SACS: variants seen among roughly 807,000 people sequenced by gnomAD.
SACS encodes the protein sacsin molecular chaperone.
SACS carries 197 observed loss-of-function variants against 348.0 expected under a neutral mutation model. The observed-to-expected ratio is 0.57, with a 90% confidence interval of 0.50 to 0.64. The LOEUF (loss-of-function observed/expected upper bound fraction) is 0.64, where lower values mean the gene tolerates loss of function less well. Ranked by LOEUF, SACS falls within the 30% of genes least tolerant of loss-of-function variation. The pLI is 0.00. For synonymous variants in SACS, 1,985 were observed against 1,910.6 expected (o/e 1.04, Z -1.02); for missense variants, 4,999 against 5,360.8 (o/e 0.93, Z 2.11).
chr13:23,375,625 C>G (rs564968092), intron 2 of SACS: 11 of 958,162 alleles, frequency 1.1e-5, no homozygotes, highest in Non-Finnish European at 1.4e-5. Context: ...CCGCCGGGAC[C>G]GTTAGCTGGG....
chr13:23,357,738 AAGT>A (rs1870484921), intron 7 of SACS, among the ~76,000 whole-genome samples: 1 of 64,508 alleles, frequency 1.6e-5, no homozygotes, highest in South Asian at 8.9e-4. Context: ...ACACTGAGTT[AAGT>A]ATTTCCTATT....
In SACS at chr13:23,334,285, A is replaced by G. The variant is rs764477877; in HGVS notation, c.9591T>C (p.Ser3197=). The change falls in exon 10 of 10, where the codon AGT becomes AGC. Residue 3197 remains serine (S), a synonymous_variant. Transcript: ENST00000382292. ...LFMNTLYLKY[S]NILLNCKVAK... is the part of the protein sequence containing the mutation. ...CAACTTTACAGTTCAATAAAATATT[A>G]CTATATTTCAAATATAATGTATTCA... The G allele has an allele frequency of 6.2e-7, 1 of 1,601,348 alleles. No individual in the cohort carries two copies. The highest frequency in any genetic ancestry group is 8.5e-7 in the Non-Finnish European group (1 of 1,173,236).
chr13:23,345,736 A>AT (rs1869557299), intron 9 of SACS, among the ~76,000 whole-genome samples: 2 of 152,212 alleles, frequency 1.3e-5, no homozygotes, highest in Non-Finnish European at 2.9e-5. Flanking sequence ...AATTATCACT[A>AT]TAATAATGAC....
Position 23,333,700 on chromosome 13 carries a change from G to A in SACS, c.10176C>T (p.Asn3392=). 1 of 1,613,712 alleles carries A rather than the reference G, an allele frequency of 6.2e-7. No homozygotes were observed. Among genetic ancestry groups the A allele is most frequent in the Non-Finnish European group, 8.5e-7 (1 of 1,179,694 alleles). ...NDFEALLMYF[N]CNLNHLMSQD... ...GGGACATCAAATGATTCAAATTGCA[G>A]TTGAAATACATCAAAAGTGCCTCAA... is the stretch of plus-strand genomic sequence containing the variant. The change falls in exon 10 of 10, where the codon AAC becomes AAT. Residue 3392 remains asparagine (N), a synonymous_variant. Coordinates refer to ENST00000382292, the MANE Select transcript of SACS (RefSeq NM_014363.6).
At chr13:23,361,150 A>C (rs1016917379) in intron 6 of SACS, among the ~76,000 whole-genome samples, 4 of 152,142 alleles carry the variant, frequency 2.6e-5, no homozygotes, top group African/African-American at 9.7e-5. Flanking sequence ...TAGGAGTGCA[A>C]CTGTCCCGGG....
At position 23,333,438 on chromosome 13, in the gene SACS, G is replaced by A. The variant is rs761189797; in HGVS notation, c.10438C>T (p.His3480Tyr). ...AGATTTTCAATTTTTGGTAAGAGGT[G>A]TTTCAAATATACCTCAAGATCATCT... ...PVDDLEVYLKHLLPKIENLSY... is the reference protein window; with the variant it reads ...PVDDLEVYLKYLLPKIENLSY... Residue 3480 changes from histidine to tyrosine, a missense_variant, in exon 10 of 10, where the codon CAC becomes TAC. Physicochemically the swap from His to Tyr is moderately conservative, Grantham distance 83. Coordinates refer to ENST00000382292, the MANE Select transcript of SACS (RefSeq NM_014363.6). 1.3e-5 allele frequency: 21 copies of A among 1,611,156 alleles called. No individual in the cohort carries two copies. Among genetic ancestry groups the A allele is most frequent in the African/African-American group, 5.3e-5 (4 of 74,774 alleles).
intron 2 of SACS, among the ~76,000 whole-genome samples, chr13:23,394,579 C>T (rs983899816): frequency 2.0e-5 from 3 of 152,202 alleles, no homozygotes; most frequent in South Asian, 2.1e-4. Flanking sequence ...TAGGGCTGGG[C>T]GCAGTGGCTC....
At chr13:23,394,633 C>T (rs145206327) in intron 2 of SACS, among the ~76,000 whole-genome samples, 4,501 of 152,290 alleles carry the variant, frequency 0.03, 197 homozygotes, top group African/African-American at 0.1. Flanking sequence ...GCAAGTGGAT[C>T]ACCTGAGGTC....
chr13:23,331,318 A>G lies in SACS; in HGVS notation c.12558T>C (p.Val4186=). Residue 4186 remains valine (V), a synonymous_variant, in exon 10 of 10, where the codon GTT becomes GTC. Coordinates refer to ENST00000382292, the MANE Select transcript of SACS (RefSeq NM_014363.6). Reference sequence around the variant, plus strand: ...CATAGATATCACCACCTTCAGCATCAACAAGGTACCCAACATATTCTCCCG... The same window carrying G: ...CATAGATATCACCACCTTCAGCATCGACAAGGTACCCAACATATTCTCCCG... ...FYPGEYVGYL[V]DAEGGDIYGS... is the part of the protein sequence containing the mutation. 1 of 1,614,026 alleles carries G rather than the reference A, an allele frequency of 6.2e-7. No individual in the cohort carries two copies. The highest frequency in any genetic ancestry group is 1.3e-5 in the African/African-American group (1 of 75,046).
chr13:23,366,611 G>A (rs781562991), intron 5 of SACS, among the ~76,000 whole-genome samples: 8 of 152,154 alleles, frequency 5.3e-5, no homozygotes, highest in Non-Finnish European at 1.0e-4. Flanking sequence ...TTAGATGTTC[G>A]ACCTTGTTTT....
At position 23,329,972 on chromosome 13, in the gene SACS, T is replaced by A; in HGVS notation, c.*164A>T. The A allele has an allele frequency of 1.5e-6, 1 of 669,506 alleles. No individual in the cohort carries two copies. The highest frequency in any genetic ancestry group is 2.5e-6 in the Non-Finnish European group (1 of 395,190). The allele number at this position is 669,506 out of a possible 1,614,324, so 41.5% of individuals were successfully genotyped here. A position where few individuals can be genotyped will look rare whatever the true frequency, so the allele number is the denominator to read the frequency against. ...AGTTTTCTTTTAGATTCAGTTAAGG[T>A]TTTCCGTTGGTATTCATGTTCATAA... On this transcript the variant is annotated 3_prime_UTR_variant, in exon 10 of 10. Transcript: ENST00000382292.
rs779248938 is a variant in SACS at position 23,335,636 on chromosome 13, A to AT, written c.8239dup (p.Ile2747AsnfsTer5). 9.3e-6 allele frequency: 15 copies of AT among 1,613,942 alleles called. No individual in the cohort carries two copies. The highest frequency in any genetic ancestry group is 1.3e-5 in the African/African-American group (1 of 75,002). ...ACTCTTATCTATTTCACAAATAGAAATTTTTTCCATGTGATTAAGAAACAT... is the reference window on the plus strand; with the variant it reads ...ACTCTTATCTATTTCACAAATAGAAATTTTTTTCCATGTGATTAAGAAACAT... On this transcript the variant is annotated frameshift_variant, in exon 10 of 10. Transcript: ENST00000382292. LOFTEE classifies it high-confidence loss of function. The surrounding 1 kb of genome is among the most constrained non-coding windows in gnomAD (Gnocchi z 4.7).
chr13:23,400,712 G>A (rs964446513), intron 2 of SACS, among the ~76,000 whole-genome samples: 6 of 152,158 alleles, frequency 3.9e-5, no homozygotes, highest in East Asian at 1.9e-4. Context: ...GAGCCACCGC[G>A]CCCGGCCAGT....
At chr13:23,414,241 C>T (rs1309188988) in intron 1 of SACS, among the ~76,000 whole-genome samples, 7 of 152,134 alleles carry the variant, frequency 4.6e-5, no homozygotes, top group Admixed American at 4.6e-4. Flanking sequence ...AAGGCGGAGC[C>T]TACAGTGAGC....
chr13:23,392,075 T>C (rs1008796174), intron 2 of SACS, among the ~76,000 whole-genome samples: 10 of 152,174 alleles, frequency 6.6e-5, no homozygotes, highest in Non-Finnish European at 1.3e-4. Context: ...AGCTGGGAGC[T>C]GAGGGAAACC....
At position 23,347,223 on chromosome 13, in the gene SACS, T is replaced by A. The variant is rs555674232; in HGVS notation, c.2186-5533A>T. 2.0e-5 allele frequency among the ~76,000 whole-genome samples: 3 copies of A among 152,344 alleles called. No homozygotes were observed. In the South Asian group the frequency reaches 6.2e-4, roughly 32 times the overall value. On this transcript the variant is annotated intron_variant, in intron 9 of 9. Coordinates refer to ENST00000382292, the MANE Select transcript of SACS (RefSeq NM_014363.6). ...TAAAAAACCTGATTTTTTAAATTTT[T>A]AATTTTTAAAAAGTTTTGGAGTACC...
intron 2 of SACS, among the ~76,000 whole-genome samples, chr13:23,387,473 A>AG (rs1593167526): frequency 3.3e-5 from 5 of 150,942 alleles, no homozygotes; most frequent in South Asian, 2.1e-4. Context: ...GAAAAAAAAA[A>AG]AAAAAAAAAA....
intron 2 of SACS, among the ~76,000 whole-genome samples, chr13:23,395,809 A>G (rs1872691825): frequency 6.6e-6 from 1 of 152,212 alleles, no homozygotes; most frequent in South Asian, 2.1e-4. Context: ...ATTTTATACA[A>G]ACCTGTGAAA....
chr13:23,333,351 C>A lies in SACS; in HGVS notation c.10525G>T (p.Glu3509Ter). Residue 3509 changes from glutamate (E) to a stop codon, truncating the protein, a stop_gained, in exon 10 of 10, where the codon GAA (glutamate) becomes TAA (stop). Coordinates refer to ENST00000382292, the MANE Select transcript of SACS (RefSeq NM_014363.6). LOFTEE classifies it high-confidence loss of function. ...AGTTGTTCCTTAATCTCTGATAATT[C>A]CTCAGCACTTGATAATCTATTCTTA... Reference protein sequence around the residue: ...YLKNRLSSAEELSEIKEQLFE... With the variant: ...YLKNRLSSAE 6.3e-7 allele frequency: 1 copy of A among 1,598,266 alleles called. No individual in the cohort carries two copies. The highest frequency in any genetic ancestry group is 8.5e-7 in the Non-Finnish European group (1 of 1,174,692).
Sources: gnomAD v4.1 joint callset for allele counts (sites outside exome capture counted in the v4.1 genomes callset) on GRCh38, gnomAD v4.1.1 for gene constraint, Gnocchi (gnomAD v3.1) non-coding constraint, MANE v1.5 for transcripts, NCBI Gene and HGNC (gene_info 2026-07-23, HGNC 2026-07-21) for gene names.